Variants in HDAC8 observed in about 807,000 individuals in gnomAD.
The protein encoded by HDAC8 is histone deacetylase 8.
Under a neutral mutation model 32.2 loss-of-function variants are expected in HDAC8, and 1 was observed. The observed-to-expected ratio is 0.03, with a 90% CI of 0.01 to 0.15. The LOEUF (loss-of-function observed/expected upper bound fraction) is 0.15, where lower values mean the gene tolerates loss of function less well. HDAC8 is among the 10% of genes least tolerant of loss of function. The pLI is 1.00. For missense variants in HDAC8, 117 were observed against 300.0 expected (o/e 0.39, Z 4.51); for synonymous variants, 108 against 113.9 (o/e 0.95, Z 0.33).
intron 9 of HDAC8, among the ~76,000 whole-genome samples, chrX:72,458,504 A>C (rs1395205677): frequency 8.9e-6 from 1 of 112,184 alleles, no homozygotes; most frequent in Non-Finnish European, 1.9e-5. Flanking sequence ...CCTCTTGCAA[A>C]GGATGGAAAG....
chrX:72,460,454 A>G (rs1359296842), intron 9 of HDAC8, among the ~76,000 whole-genome samples: 1 of 111,558 alleles, frequency 9.0e-6, no homozygotes, highest in African/African-American at 3.3e-5. Context: ...TTGCATTTTT[A>G]AAGTGCCTAT....
At chrX:72,338,812 T>G (rs1293586080) in intron 10 of HDAC8, among the ~76,000 whole-genome samples, 2 of 105,212 alleles carry the variant, frequency 1.9e-5, no homozygotes, top group South Asian at 4.2e-4. Flanking sequence ...ACTTTGGGAG[T>G]CTGAGGCATG....
At chrX:72,394,421 A>G (rs1662988585) in intron 9 of HDAC8, among the ~76,000 whole-genome samples, 1 of 112,415 alleles carries the variant, frequency 8.9e-6, no homozygotes, top group South Asian at 3.7e-4. Flanking sequence ...CAATAATGGT[A>G]AAAGACAACT....
intron 7 of HDAC8, among the ~76,000 whole-genome samples, chrX:72,487,713 C>A (rs1170808199): frequency 1.0e-5 from 1 of 97,416 alleles, no homozygotes; most frequent in Non-Finnish European, 2.0e-5. Context: ...AAGAGAACAA[C>A]CTAGTTTTCT....
chrX:72,532,249 A>ATTTTTTTTTTTTTTTTTTT (rs34829256), intron 4 of HDAC8, among the ~76,000 whole-genome samples: 1 of 54,193 alleles, frequency 1.8e-5, no homozygotes, highest in Non-Finnish European at 3.1e-5. Flanking sequence ...CGTGTTGGGC[A>ATTTTTTTTTTTTTTTTTTT]TTTTTTTTTT....
intron 9 of HDAC8, among the ~76,000 whole-genome samples, chrX:72,415,763 T>C (rs2046315953): frequency 8.9e-6 from 1 of 112,294 alleles, no homozygotes. Context: ...TCATTGATAG[T>C]ATATAGAATT....
chrX:72,565,745 T>C (rs1373685121), intron 4 of HDAC8, among the ~76,000 whole-genome samples: 1 of 111,961 alleles, frequency 8.9e-6, no homozygotes, highest in Non-Finnish European at 1.9e-5. Flanking sequence ...CAAGAGGACC[T>C]AGAAGTCTTT....
intron 7 of HDAC8, among the ~76,000 whole-genome samples, chrX:72,479,571 G>C (rs1435643028): frequency 3.6e-5 from 4 of 111,965 alleles, no homozygotes; most frequent in Non-Finnish European, 5.6e-5. Context: ...CAAGAGACCA[G>C]AGAAGAGGCA....
chrX:72,344,513 C>T (rs2043972773), intron 10 of HDAC8, among the ~76,000 whole-genome samples: 1 of 112,243 alleles, frequency 8.9e-6, no homozygotes. Flanking sequence ...ATTCTCATGT[C>T]ATCAAATTAT....
intron 4 of HDAC8, among the ~76,000 whole-genome samples, chrX:72,516,911 G>T (rs1335388095): frequency 3.6e-5 from 4 of 112,021 alleles, no homozygotes; most frequent in Non-Finnish European, 7.5e-5. Flanking sequence ...TACTCACTTT[G>T]CTCCAGGCAC....
chrX:72,565,687 A>C (rs1480451623), intron 4 of HDAC8, among the ~76,000 whole-genome samples: 1 of 111,934 alleles, frequency 8.9e-6, no homozygotes, highest in African/African-American at 3.3e-5. Context: ...CATAGAAGCA[A>C]GCCTTTTCTA....
chrX:72,422,663 C>G (rs1237862345), intron 9 of HDAC8, among the ~76,000 whole-genome samples: 2 of 111,848 alleles, frequency 1.8e-5, no homozygotes, highest in Non-Finnish European at 3.8e-5. Context: ...CTTCTCAGGC[C>G]TTAGGTTGTC....
chrX:72,352,284 A>T (rs1253939415), intron 9 of HDAC8, among the ~76,000 whole-genome samples: 3 of 110,972 alleles, frequency 2.7e-5, no homozygotes, highest in African/African-American at 9.8e-5. Flanking sequence ...GCACAGCTCA[A>T]ATGTCACCTC....
At chrX:72,487,231 C>T (rs185978130) in intron 7 of HDAC8, among the ~76,000 whole-genome samples, 120 of 111,702 alleles carry the variant, frequency 1.1e-3, no homozygotes, top group African/African-American at 3.8e-3. Flanking sequence ...TTTAAAAATG[C>T]TTCTGATTAG....
chrX:72,456,236 T>G (rs1373591898), intron 9 of HDAC8, among the ~76,000 whole-genome samples: 1 of 111,898 alleles, frequency 8.9e-6, no homozygotes, highest in African/African-American at 3.2e-5. Context: ...ACAGTTATTT[T>G]TCATCAAAAC....
intron 9 of HDAC8, among the ~76,000 whole-genome samples, chrX:72,458,996 GA>G (rs1315235042): frequency 9.0e-6 from 1 of 111,624 alleles, no homozygotes; most frequent in Non-Finnish European, 1.9e-5. Context: ...CTGGTCCCAT[GA>G]GGCACCAGTC....
At chrX:72,544,352 T>G (rs1319506162) in intron 4 of HDAC8, among the ~76,000 whole-genome samples, 1 of 111,717 alleles carries the variant, frequency 9.0e-6, no homozygotes, top group Non-Finnish European at 1.9e-5. Context: ...GTCAACAGTA[T>G]AGGCCAGGGC....
intron 9 of HDAC8, among the ~76,000 whole-genome samples, chrX:72,418,816 G>A (rs2046413384): frequency 9.0e-6 from 1 of 111,345 alleles, no homozygotes; most frequent in Non-Finnish European, 1.9e-5. Context: ...TTTGTATATG[G>A]TGTGAAGTAG....
intron 9 of HDAC8, among the ~76,000 whole-genome samples, chrX:72,433,094 C>T (rs1166867380): frequency 2.7e-5 from 3 of 111,765 alleles, no homozygotes; most frequent in Non-Finnish European, 5.6e-5. Flanking sequence ...TTCTTAGGCC[C>T]TTTATACTTG....
Sources: allele counts gnomAD v4.1 joint callset (sites outside exome capture counted in the v4.1 genomes callset), GRCh38; gene constraint gnomAD v4.1.1; transcripts MANE v1.5; gene names NCBI Gene and HGNC (gene_info 2026-07-23, HGNC 2026-07-21).